The following RRP1 variants were observed in gnomAD, a reference collection of about 807,000 sequenced individuals.
The protein encoded by RRP1 is ribosomal RNA processing protein 1 homolog A.
In RRP1, 37 loss-of-function variants were observed where a neutral mutation model predicts 54.6. The observed-to-expected ratio is 0.68, with a 90% CI of 0.52 to 0.89. The LOEUF (loss-of-function observed/expected upper bound fraction) is 0.89, where lower values mean the gene tolerates loss of function less well. Ranked by LOEUF, RRP1 falls within the 40% of genes least tolerant of loss-of-function variation. RRP1 has a pLI of 0.00. For missense variants in RRP1, 639 were observed against 612.5 expected (o/e 1.04, Z -0.46); for synonymous variants, 262 against 244.3 (o/e 1.07, Z -0.67).
At chr21:43,792,648 G>A (rs1440881157) in intron 2 of RRP1, 24 bp from the exon 3 acceptor site, 6 of 1,613,764 alleles carry the variant, frequency 3.7e-6, no homozygotes, top group African/African-American at 1.3e-5. Flanking sequence ...GGGGCTGAGG[G>A]CGTTTTTGTT....
rs781232930 is a variant in RRP1, at chr21:43,789,598, C to T, written c.-32C>T. On this transcript the variant is annotated 5_prime_UTR_variant, in exon 1 of 13. Transcript: ENST00000497547. ...GCTCAGTGTGCTGGGTACCAGGCGA[C>T]TCCGGGACAGGGGGTCTCGGCCGTC... is the stretch of plus-strand genomic sequence containing the variant. 62 of 1,578,202 alleles carry T rather than the reference C, an allele frequency of 3.9e-5. No homozygotes were observed. The highest frequency in any genetic ancestry group is 5.1e-5 in the Non-Finnish European group (59 of 1,164,394).
At position 43,797,992 on chromosome 21, in the gene RRP1, G is replaced by T; in HGVS notation, c.703G>T (p.Glu235Ter). ...APLAIEDLLN[E>*]LDTQDEEVAS... is the part of the protein sequence containing the mutation. Reference sequence around the variant, plus strand: ...GCTTGCCATTGAAGACCTCCTGAATGAACTGGACACACAGGATGAGGAGGT... The same window carrying T: ...GCTTGCCATTGAAGACCTCCTGAATTAACTGGACACACAGGATGAGGAGGT... The change falls in exon 8 of 13, where the codon GAA becomes TAA. Residue 235 changes from glutamate to a stop codon, truncating the protein, a stop_gained. Transcript: ENST00000497547. LOFTEE classifies it high-confidence loss of function. The T allele has an allele frequency of 6.2e-7, 1 of 1,614,220 alleles. No individual in the cohort carries two copies. The highest frequency in any genetic ancestry group is 8.5e-7 in the Non-Finnish European group (1 of 1,180,032).
In RRP1 at chr21:43,797,239, G is replaced by T. The variant is rs1244125721; in HGVS notation, c.423-183G>T. On this transcript the variant is annotated intron_variant, in intron 5 of 12. Coordinates refer to ENST00000497547, the MANE Select transcript of RRP1 (RefSeq NM_003683.6). ...CTCCCTAACTGCAAGACTGCCTTGC[G>T]CTGGAGGAGACCTAGGATCGTTGAT... 6 of 957,806 alleles carry T rather than the reference G, an allele frequency of 6.3e-6. No individual in the cohort carries two copies. The African/African-American group carries it at 8.3e-5, about 13-fold the overall frequency. The allele number at this position is 957,806 out of a possible 1,614,324, so 59.3% of individuals were successfully genotyped here. A position where few individuals can be genotyped will look rare whatever the true frequency, so the allele number is the denominator to read the frequency against.
intron 1 of RRP1, 98 bp downstream of exon 1, chr21:43,789,860 G>C: frequency 7.4e-7 from 1 of 1,349,428 alleles, no homozygotes; most frequent in Non-Finnish European, 9.6e-7. Flanking sequence ...CGAGCCCTGT[G>C]GAACCTCCAC....
chr21:43,793,654 A>C (rs2084983442), intron 4 of RRP1, among the ~76,000 whole-genome samples: 1 of 152,334 alleles, frequency 6.6e-6, no homozygotes. Context: ...TGGTTCAGAG[A>C]AGGAAAGTGA....
intron 2 of RRP1, among the ~76,000 whole-genome samples, 190 bp from the exon 3 acceptor site, chr21:43,792,482 G>A (rs1288494815): frequency 6.6e-6 from 1 of 152,248 alleles, no homozygotes; most frequent in African/African-American, 2.4e-5. Flanking sequence ...GTGAGAGCCT[G>A]TTGACCCTGG....
chr21:43,800,895 G>T lies in RRP1; in HGVS notation c.1009+14G>T. 6.2e-7 allele frequency: 1 copy of T among 1,613,638 alleles called. No individual in the cohort carries two copies. ...ACCTGGCAGGAGGTGAGGATCGGCCGGGCACTGACAGTGGCACCACCTTGG... is the reference window on the plus strand; with the variant it reads ...ACCTGGCAGGAGGTGAGGATCGGCCTGGCACTGACAGTGGCACCACCTTGG... On this transcript the variant is annotated intron_variant, in intron 11 of 12. Coordinates refer to ENST00000497547, the MANE Select transcript of RRP1 (RefSeq NM_003683.6).
Position 43,797,686 on chromosome 21 carries a change from G to A in RRP1, c.608G>A (p.Arg203Gln), listed in dbSNP as rs752452177. The A allele has an allele frequency of 7.4e-6, 12 of 1,613,756 alleles. No individual in the cohort carries two copies. The East Asian group carries it at 8.9e-5, about 12-fold the overall frequency. ...GACCCCTTCTGCAGAATTGCTGCCC[G>A]GACCAAGGAGTAAGTGGTGGGTGGC... ...FIDPFCRIAA[R>Q]TKDSLVLNNI... Residue 203 changes from arginine to glutamine, a missense_variant, in exon 7 of 13, where the codon CGG becomes CAG. By Grantham distance (43) the Arg-to-Gln change is conservative. Transcript: ENST00000497547.
intron 4 of RRP1, among the ~76,000 whole-genome samples, chr21:43,794,593 G>C (rs779961953): frequency 5.3e-5 from 8 of 152,200 alleles, no homozygotes; most frequent in Admixed American, 4.6e-4. Flanking sequence ...ACCCCACTCT[G>C]GGCGTGTGGG....
At chr21:43,793,077 C>T (rs553200029) in intron 3 of RRP1, 2 of 562,770 alleles carry the variant, frequency 3.6e-6, no homozygotes, top group Non-Finnish European at 3.1e-6. Context: ...CTCCTCTGTT[C>T]TCTGGTGACC....
intron 5 of RRP1, 123 bp downstream of exon 5, chr21:43,795,373 G>C: frequency 3.4e-6 from 3 of 884,870 alleles, no homozygotes; most frequent in South Asian, 2.8e-5. Flanking sequence ...CCCCAATCGT[G>C]CTTAGAGAGA....
In RRP1 at chr21:43,797,567, G is replaced by C. The variant is rs754518192; in HGVS notation, c.552+16G>C. Reference sequence around the variant, plus strand: ...CGCCGAGGAGGTGAGGCTGGGCTCCGACGGGGCGGTGGAGCTGGGCGTTTG... The same window carrying C: ...CGCCGAGGAGGTGAGGCTGGGCTCCCACGGGGCGGTGGAGCTGGGCGTTTG... On this transcript the variant is annotated intron_variant, in intron 6 of 12. Coordinates refer to ENST00000497547, the MANE Select transcript of RRP1 (RefSeq NM_003683.6). The C allele has an allele frequency of 3.7e-6, 6 of 1,613,846 alleles. No individual in the cohort carries two copies. Among genetic ancestry groups the C allele is most frequent in the Non-Finnish European group, 5.1e-6 (6 of 1,179,852 alleles).
rs1473875036 is a variant in RRP1 at position 43,803,697 on chromosome 21, C to T, written c.1309C>T (p.Pro437Ser). ...AGGGGCTCGCCAGAGAAGGAGGACA[C>T]CTCGGCCCCTGACCAGTGCCCGAGC... ...QRGARQRRRT[P>S]RPLTSARAKA... is the part of the protein sequence containing the mutation. The change falls in exon 13 of 13, where the codon CCT (proline) becomes TCT (serine). Residue 437 changes from proline (P) to serine (S), a missense_variant. Coordinates refer to ENST00000497547, the MANE Select transcript of RRP1 (RefSeq NM_003683.6). The T allele has an allele frequency of 1.3e-6, 2 of 1,554,888 alleles. No homozygotes were observed. The highest frequency in any genetic ancestry group is 1.7e-6 in the Non-Finnish European group (2 of 1,149,526).
At chr21:43,798,198 C>A in intron 8 of RRP1, 98 bp downstream of exon 8, 1 of 1,022,940 alleles carries the variant, frequency 9.8e-7, no homozygotes, top group Non-Finnish European at 1.4e-6. Context: ...CCTACCTGGT[C>A]CCCTTGTCTC....
At position 43,789,617 on chromosome 21, in the gene RRP1, G is replaced by A. The variant is rs1211756436; in HGVS notation, c.-13G>A. 1.3e-6 allele frequency: 2 copies of A among 1,585,566 alleles called. No homozygotes were observed. The highest frequency in any genetic ancestry group is 1.4e-5 in the African/African-American group (1 of 72,894). On this transcript the variant is annotated 5_prime_UTR_variant, in exon 1 of 13. Transcript: ENST00000497547. ...AGGCGACTCCGGGACAGGGGGTCTC[G>A]GCCGTCGGCGTCATGGTTTCGCGCG... is the stretch of plus-strand genomic sequence containing the variant.
Position 43,803,892 on chromosome 21 carries a change from C to A in RRP1, c.*118C>A, listed in dbSNP as rs1188848839. The stretch of plus-strand genomic sequence containing the variant: ...GTGGCTCCAGAACTCCTGTGCCAGG[C>A]GGGAGGGAAGGGCGGCACTGGAGAG... On this transcript the variant is annotated 3_prime_UTR_variant, in exon 13 of 13. Transcript: ENST00000497547. 5 of 1,293,172 alleles carry A rather than the reference C, an allele frequency of 3.9e-6. No homozygotes were observed. The highest frequency in any genetic ancestry group is 2.6e-5 in the East Asian group (1 of 38,594). The allele number at this position is 1,293,172 out of a possible 1,614,324, so 80.1% of individuals were successfully genotyped here.
Position 43,793,723 on chromosome 21 carries a change from G to T in RRP1, c.360+319G>T, listed in dbSNP as rs571370770. Among the ~76,000 whole-genome samples, 17 of 152,374 alleles carry T rather than the reference G, an allele frequency of 1.1e-4. No individual in the cohort carries two copies. The South Asian group carries it at 3.1e-3, about 28-fold the overall frequency. The stretch of plus-strand genomic sequence containing the variant: ...CCGTTGTTACCTTGTCAAAGAGGCA[G>T]AGTGAGTCTGGAGGCGCAGCAGAGG... On this transcript the variant is annotated intron_variant, in intron 4 of 12. Coordinates refer to ENST00000497547, the MANE Select transcript of RRP1 (RefSeq NM_003683.6).
intron 5 of RRP1, among the ~76,000 whole-genome samples, chr21:43,796,229 G>A (rs3819607): frequency 0.052 from 7,888 of 152,118 alleles, 275 homozygotes; most frequent in South Asian, 0.15. Flanking sequence ...TTAGGGCAGC[G>A]GTGCCTCTGG....
rs1235206325 is a variant in RRP1, at chr21:43,803,496, C to G, written c.1124-16C>G. ...GTTGGCATTCTCTGGCTCATGGGGT[C>G]TTGCTGTTTTGTCAGGGAAAGGTGA... On this transcript the variant is annotated splice_polypyrimidine_tract_variant and intron_variant, in intron 12 of 12. Transcript: ENST00000497547. 1.3e-6 allele frequency: 2 copies of G among 1,538,372 alleles called. No individual in the cohort carries two copies. The highest frequency in any genetic ancestry group is 2.7e-5 in the African/African-American group (2 of 73,044).
Sources: allele counts gnomAD v4.1 joint callset (sites outside exome capture counted in the v4.1 genomes callset), GRCh38; gene constraint gnomAD v4.1.1; transcripts MANE v1.5; gene names NCBI Gene and HGNC (gene_info 2026-07-23, HGNC 2026-07-21).